CSMD1: variants seen among roughly 807,000 people sequenced by gnomAD.
CSMD1 encodes CUB and Sushi multiple domains 1, also known as CUB and sushi domain-containing protein 1.
CSMD1 carries 213 observed loss-of-function variants against 417.5 expected under a neutral mutation model. The observed-to-expected ratio is 0.51, with a 90% confidence interval of 0.46 to 0.57. CSMD1 has a LOEUF of 0.57. CSMD1 is among the 20% of genes least tolerant of loss of function. CSMD1 has a pLI of 0.00. For synonymous variants in CSMD1, 2,862 were observed against 1,736.8 expected, an observed-to-expected ratio of 1.65 and a Z score of -16.11; for missense variants, 6,923 against 4,529.7, an observed-to-expected ratio of 1.53 and a Z score of -15.17.
At chr8:4,278,581 A>G (rs17334932) in intron 3 of CSMD1, among the ~76,000 whole-genome samples, 13,754 of 152,272 alleles carry the variant, frequency 0.09, 778 homozygotes, top group Non-Finnish European at 0.13. Context: ...ACATATGCCT[A>G]TTTTTAGAAA....
At chr8:3,250,700 C>G (rs938885339) in intron 26 of CSMD1, among the ~76,000 whole-genome samples, 1 of 152,182 alleles carries the variant, frequency 6.6e-6, no homozygotes, top group Non-Finnish European at 1.5e-5. Flanking sequence ...TCCTATTTCT[C>G]CACATCCTCT....
At chr8:3,371,268 A>G (rs1019124900) in intron 18 of CSMD1, among the ~76,000 whole-genome samples, 3 of 152,126 alleles carry the variant, frequency 2.0e-5, no homozygotes, top group East Asian at 3.9e-4. Flanking sequence ...TGACTAATAC[A>G]TCCACTTACT....
chr8:4,302,045 AT>A lies in CSMD1; in HGVS notation c.415+117907del, dbSNP rs1375601038. On this transcript the variant is annotated intron_variant, in intron 3 of 69. Coordinates refer to ENST00000635120, the MANE Select transcript of CSMD1 (RefSeq NM_033225.6). ...GTACAAATATTTTTTGAAATCCCTA[AT>A]TTTTTCATTAGAATTTTCCACAAAC... 1.6e-4 allele frequency among the ~76,000 whole-genome samples: 25 copies of A among 152,310 alleles called. 1 individual carries two copies. In the South Asian group the frequency reaches 4.8e-3, roughly 29 times the overall value.
At chr8:4,298,015 T>G (rs1440590385) in intron 3 of CSMD1, among the ~76,000 whole-genome samples, 7 of 152,174 alleles carry the variant, frequency 4.6e-5, no homozygotes, top group Admixed American at 4.6e-4. Flanking sequence ...CTTGTTTCCC[T>G]TCAATAAATT....
intron 5 of CSMD1, among the ~76,000 whole-genome samples, chr8:3,920,263 G>C (rs894417145): frequency 6.6e-6 from 1 of 151,894 alleles, no homozygotes; most frequent in Non-Finnish European, 1.5e-5. Context: ...TTGAACTCCT[G>C]GGCTCAAGTG....
At chr8:3,917,605 C>A (rs887832954) in intron 5 of CSMD1, among the ~76,000 whole-genome samples, 1 of 27,894 alleles carries the variant, frequency 3.6e-5, no homozygotes, top group Non-Finnish European at 8.6e-5. Flanking sequence ...AGATTGGCTT[C>A]ATATTTATAT....
intron 3 of CSMD1, among the ~76,000 whole-genome samples, chr8:4,247,303 T>G (rs1802772797): frequency 6.6e-6 from 1 of 152,150 alleles, no homozygotes; most frequent in African/African-American, 2.4e-5. Context: ...TGGTCAATTG[T>G]CTTCTCTACC....
At chr8:3,280,059 C>T (rs1309959222) in intron 26 of CSMD1, among the ~76,000 whole-genome samples, 1 of 149,330 alleles carries the variant, frequency 6.7e-6, no homozygotes, top group Non-Finnish European at 1.5e-5. Context: ...GATCTTGGGG[C>T]ACATCGGCCC....
chr8:3,000,041 T>A lies in CSMD1; in HGVS notation c.8120A>T (p.Asn2707Ile). The change falls in exon 53 of 70, where the codon AAT becomes ATT. Residue 2707 changes from asparagine to isoleucine, a missense_variant. Asn to Ile is a moderately radical substitution (Grantham distance 149, BLOSUM62 -3). Coordinates refer to ENST00000635120, the MANE Select transcript of CSMD1 (RefSeq NM_033225.6). ...SYRDTVVYQCNPGFRLVGTSV... is the reference protein window; with the variant it reads ...SYRDTVVYQCIPGFRLVGTSV... The stretch of plus-strand genomic sequence containing the variant: ...AGTTCCCACAAGCCGGAAACCAGGA[T>A]TGCACTGGTAAACCACCGTGTCTCT... The A allele has an allele frequency of 6.2e-7, 1 of 1,605,424 alleles. No homozygotes were observed. The highest frequency in any genetic ancestry group is 8.5e-7 in the Non-Finnish European group (1 of 1,178,138).
At chr8:4,944,510 C>T (rs1458524164) in intron 1 of CSMD1, among the ~76,000 whole-genome samples, 3 of 152,178 alleles carry the variant, frequency 2.0e-5, no homozygotes, top group Admixed American at 2.0e-4. Context: ...TGAAAGAACA[C>T]ATCAGAGACT....
chr8:4,553,751 C>T (rs1350721203), intron 2 of CSMD1, among the ~76,000 whole-genome samples: 1 of 152,172 alleles, frequency 6.6e-6, no homozygotes, highest in Non-Finnish European at 1.5e-5. Flanking sequence ...CAGAATATTT[C>T]TAACTGCTCA....
At chr8:3,212,544 G>A (rs1169258222) in intron 30 of CSMD1, among the ~76,000 whole-genome samples, 1 of 152,146 alleles carries the variant, frequency 6.6e-6, no homozygotes, top group Non-Finnish European at 1.5e-5. Flanking sequence ...GGTAGAGATG[G>A]GGTTTTGTCA....
At chr8:3,647,332 G>C (rs887540514) in intron 7 of CSMD1, among the ~76,000 whole-genome samples, 3 of 152,070 alleles carry the variant, frequency 2.0e-5, no homozygotes, top group Non-Finnish European at 2.9e-5. Context: ...CCAGGAGAGA[G>C]GTAAATATGG....
chr8:4,222,628 C>A (rs1029480426), intron 3 of CSMD1, among the ~76,000 whole-genome samples: 1 of 152,192 alleles, frequency 6.6e-6, no homozygotes, highest in African/African-American at 2.4e-5. Context: ...CAAGAACTGT[C>A]ATTTAAATTT....
At chr8:4,990,249 C>T (rs1237385822) in intron 1 of CSMD1, among the ~76,000 whole-genome samples, 1 of 152,156 alleles carries the variant, frequency 6.6e-6, no homozygotes, top group African/African-American at 2.4e-5. Flanking sequence ...AAAAGCTTTC[C>T]GCTGAACAGT....
intron 5 of CSMD1, among the ~76,000 whole-genome samples, chr8:3,997,588 G>T (rs115728729): frequency 6.6e-6 from 1 of 152,298 alleles, no homozygotes; most frequent in East Asian, 1.9e-4. Flanking sequence ...TGCTCACAGT[G>T]AAACAGCTTC....
intron 3 of CSMD1, among the ~76,000 whole-genome samples, chr8:4,339,608 C>T (rs558955795): frequency 5.3e-5 from 8 of 152,146 alleles, no homozygotes; most frequent in African/African-American, 1.9e-4. Context: ...GGTGGGAAAT[C>T]GCTCAATGAT....
chr8:3,367,207 G>T lies in CSMD1; in HGVS notation c.2940C>A (p.Ser980=). Residue 980 remains serine, a synonymous_variant, in exon 20 of 70, where the codon TCC becomes TCA. Coordinates refer to ENST00000635120, the MANE Select transcript of CSMD1 (RefSeq NM_033225.6). ...CCTCTGTGATCAGTAAATAGTCGTG[G>T]GAACTCTCAAGATGAAAGGTGTGAA... ...MIFHTFHLES[S]HDYLLITEDG... The T allele has an allele frequency of 1.9e-6, 3 of 1,613,376 alleles. No homozygotes were observed. The highest frequency in any genetic ancestry group is 2.5e-6 in the Non-Finnish European group (3 of 1,179,670).
intron 5 of CSMD1, among the ~76,000 whole-genome samples, chr8:3,871,762 G>A (rs932602183): frequency 6.6e-6 from 1 of 152,148 alleles, no homozygotes; most frequent in Non-Finnish European, 1.5e-5. Flanking sequence ...TGGGTAAAAT[G>A]GTGGATGACA....
Sources: allele counts gnomAD v4.1 joint callset (sites outside exome capture counted in the v4.1 genomes callset), GRCh38; gene constraint gnomAD v4.1.1; transcripts MANE v1.5; gene names NCBI Gene and HGNC (gene_info 2026-07-23, HGNC 2026-07-21).